The following PRKCQ variants were observed in gnomAD, a reference collection of about 807,000 sequenced individuals.
PRKCQ encodes the protein protein kinase C theta.
PRKCQ carries 41 observed loss-of-function variants against 91.2 expected under a neutral mutation model. The observed-to-expected ratio is 0.45, with a 90% confidence interval of 0.35 to 0.58. PRKCQ has a LOEUF of 0.58. Ranked by LOEUF, PRKCQ falls within the 20% of genes least tolerant of loss-of-function variation. The pLI, the probability that PRKCQ is intolerant of heterozygous loss-of-function variation, is 0.00. For missense variants in PRKCQ, 673 were observed against 896.5 expected, an observed-to-expected ratio of 0.75 and a Z score of 3.18; for synonymous variants, 307 against 316.9, an observed-to-expected ratio of 0.97 and a Z score of 0.33.
intron 16 of PRKCQ, among the ~76,000 whole-genome samples, chr10:6,432,376 T>G (rs1453089625): frequency 6.6e-6 from 1 of 152,032 alleles, no homozygotes; most frequent in Non-Finnish European, 1.5e-5. Context: ...TAAAGTGAAG[T>G]TTTTTCGCTT....
At chr10:6,453,398 A>G (rs1484425326) in intron 15 of PRKCQ, among the ~76,000 whole-genome samples, 1 of 152,224 alleles carries the variant, frequency 6.6e-6, no homozygotes, top group African/African-American at 2.4e-5. Context: ...TAGAATGGCA[A>G]TCATTAAAAA....
chr10:6,413,969 C>T, the PRKCQ span, among the ~76,000 whole-genome samples: 1 of 152,212 alleles, frequency 6.6e-6, no homozygotes, highest in African/African-American at 2.4e-5. Context: ...AAATAACAGC[C>T]CTGACGACAT....
intron 1 of PRKCQ, among the ~76,000 whole-genome samples, chr10:6,557,834 T>C (rs925858764): frequency 2.0e-5 from 3 of 152,152 alleles, no homozygotes; most frequent in Non-Finnish European, 4.4e-5. Flanking sequence ...ACTTACTGAG[T>C]CTTCCAAGCT....
chr10:6,496,733 G>C lies in PRKCQ; in HGVS notation c.660+302C>G, dbSNP rs537287836. On this transcript the variant is annotated intron_variant, in intron 7 of 17. Coordinates refer to ENST00000263125, the MANE Select transcript of PRKCQ (RefSeq NM_006257.5). Reference sequence around the variant, plus strand: ...TCTGTTGCCCAGACTGGAGTGCGGTGGCATGGTCCTGGTTCACTGCAACCT... The same window carrying C: ...TCTGTTGCCCAGACTGGAGTGCGGTCGCATGGTCCTGGTTCACTGCAACCT... Among the ~76,000 whole-genome samples the C allele has an allele frequency of 2.6e-5, 4 of 151,610 alleles. No homozygotes were observed. In the South Asian group the frequency reaches 8.3e-4, roughly 32 times the overall value.
At chr10:6,459,863 C>T (rs983510575) in intron 14 of PRKCQ, among the ~76,000 whole-genome samples, 3 of 152,136 alleles carry the variant, frequency 2.0e-5, no homozygotes, top group African/African-American at 7.2e-5. Context: ...TTATGGCAGC[C>T]CTTCAAAACT....
At chr10:6,573,998 C>A (rs1025194815) in intron 1 of PRKCQ, among the ~76,000 whole-genome samples, 3 of 152,198 alleles carry the variant, frequency 2.0e-5, no homozygotes. Flanking sequence ...CAACTGTAGT[C>A]CCAGCTACTC....
At chr10:6,558,379 GT>G (rs1179871042) in intron 1 of PRKCQ, among the ~76,000 whole-genome samples, 3 of 151,726 alleles carry the variant, frequency 2.0e-5, no homozygotes, top group East Asian at 1.9e-4. Context: ...GTACTATTTT[GT>G]TTTTTTTAAA....
chr10:6,531,332 T>C (rs1393052120), intron 1 of PRKCQ, among the ~76,000 whole-genome samples: 4 of 151,590 alleles, frequency 2.6e-5, no homozygotes, highest in Non-Finnish European at 5.9e-5. Context: ...TCTCAGAGGG[T>C]GATGTTGCTC....
intron 1 of PRKCQ, among the ~76,000 whole-genome samples, chr10:6,570,208 C>A (rs1000200304): frequency 6.6e-6 from 1 of 151,990 alleles, no homozygotes; most frequent in African/African-American, 2.4e-5. Flanking sequence ...TGCGGGTGAT[C>A]ATTTCTGAGG....
intron 12 of PRKCQ, 136 bp downstream of exon 12, chr10:6,478,856 G>T (rs2130764081): frequency 1.1e-6 from 1 of 951,852 alleles, no homozygotes; most frequent in Non-Finnish European, 1.6e-6. Flanking sequence ...AGGGATGTTT[G>T]GATGGATGGC....
chr10:6,553,489 C>CAAAA (rs869196227), intron 1 of PRKCQ, among the ~76,000 whole-genome samples: 1 of 8,726 alleles, frequency 1.1e-4, no homozygotes, highest in African/African-American at 2.3e-4. Context: ...GACCCTGTCT[C>CAAAA]AAAAAAAAAA....
rs1470706611 is a variant in PRKCQ, at chr10:6,470,924, C to T, written c.1354-6520G>A. 9.9e-5 allele frequency among the ~76,000 whole-genome samples: 9 copies of T among 90,728 alleles called. No homozygotes were observed. In the South Asian group the frequency reaches 2.1e-3, roughly 21 times the overall value. The allele number at this position is 90,728 out of a possible 152,430, so 59.5% of individuals were successfully genotyped here. ...CGCCTGGGCAACAGAGTGAGACTGTCGCAAAAAAAAAAAAAAATCAAGGCA... is the reference window on the plus strand; with the variant it reads ...CGCCTGGGCAACAGAGTGAGACTGTTGCAAAAAAAAAAAAAAATCAAGGCA... On this transcript the variant is annotated intron_variant, in intron 12 of 17. Transcript: ENST00000263125.
At chr10:6,501,496 C>T (rs190890237) in intron 4 of PRKCQ, among the ~76,000 whole-genome samples, 7 of 151,900 alleles carry the variant, frequency 4.6e-5, no homozygotes, top group African/African-American at 1.7e-4. Flanking sequence ...CGGGAGGAAG[C>T]AACTGCATCC....
At chr10:6,405,753 T>C in the PRKCQ span, among the ~76,000 whole-genome samples, 1 of 152,208 alleles carries the variant, frequency 6.6e-6, no homozygotes, top group South Asian at 2.1e-4. Context: ...AGGAAGCTGA[T>C]TGCTGCTACT....
At chr10:6,496,988 G>A (rs373548151) in intron 7 of PRKCQ, 47 bp downstream of exon 7, 326 of 1,536,710 alleles carry the variant, frequency 2.1e-4, no homozygotes, top group Non-Finnish European at 2.7e-4. Context: ...AACATTTAAC[G>A]TTCTGATAAA....
Position 6,497,094 on chromosome 10 carries a change from A to G in PRKCQ, c.601T>C (p.Cys201Arg). 6.2e-7 allele frequency: 1 copy of G among 1,613,958 alleles called. No individual in the cohort carries two copies. Among genetic ancestry groups the G allele is most frequent in the Non-Finnish European group, 8.5e-7 (1 of 1,180,024 alleles). Residue 201 changes from cysteine (C) to arginine (R), a missense_variant, in exon 7 of 18, where the codon TGT (cysteine) becomes CGT (arginine). Physicochemically the swap from Cys to Arg is radical, Grantham distance 180. Coordinates refer to ENST00000263125, the MANE Select transcript of PRKCQ (RefSeq NM_006257.5). This position sits in a 1 kb window ranked among gnomAD's most constrained non-coding sequence, Gnocchi z 4.5. ...CACTTTGCTATAACTTTATCAATAC[A>G]CTTCTTGTGAATTGCTGCATTGCAT... ...RQCNAAIHKKCIDKVIAKCTG... is the reference protein window; with the variant it reads ...RQCNAAIHKKRIDKVIAKCTG...
chr10:6,491,790 A>G lies in PRKCQ; in HGVS notation c.683T>C (p.Ile228Thr). 1 of 1,614,184 alleles carries G rather than the reference A, an allele frequency of 6.2e-7. No individual in the cohort carries two copies. The highest frequency in any genetic ancestry group is 8.5e-7 in the Non-Finnish European group (1 of 1,180,022). Residue 228 changes from isoleucine to threonine, a missense_variant, in exon 8 of 18, where the codon ATT becomes ACT. Transcript: ENST00000263125. The part of the protein sequence containing the change: ...ETMFHKERFK[I>T]DMPHRFKVYN... ...GACTTTAAATCTGTGTGGCATGTCA[A>G]TTTTGAATCTCTCCTTGTGGAACTG...
rs1328533039 is a variant in PRKCQ, at chr10:6,497,277, T to A, written c.543-26A>T. On this transcript the variant is annotated intron_variant, in intron 5 of 17. Transcript: ENST00000263125. This position sits in a 1 kb window ranked among gnomAD's most constrained non-coding sequence, Gnocchi z 4.5. ...CTGTAATAAAGCACACGCTGATTTA[T>A]TTCAATGTTGGCATCAACATCAGCA... The A allele has an allele frequency of 1.2e-6, 2 of 1,614,090 alleles. No individual in the cohort carries two copies. The highest frequency in any genetic ancestry group is 2.2e-5 in the South Asian group (2 of 91,066).
chr10:6,501,239 A>T (rs1027919950), intron 4 of PRKCQ, among the ~76,000 whole-genome samples: 1 of 152,056 alleles, frequency 6.6e-6, no homozygotes, highest in Admixed American at 6.5e-5. Flanking sequence ...TTTTAAAGGA[A>T]TGTGTTAGGG....
Sources: gnomAD v4.1 joint callset for allele counts (sites outside exome capture counted in the v4.1 genomes callset) on GRCh38, gnomAD v4.1.1 for gene constraint, Gnocchi (gnomAD v3.1) non-coding constraint, MANE v1.5 for transcripts, NCBI Gene and HGNC (gene_info 2026-07-23, HGNC 2026-07-21) for gene names.